Variants in POLR3H observed in about 807,000 individuals in gnomAD.
The protein encoded by POLR3H is DNA-directed RNA polymerase III subunit RPC8.
Under a neutral mutation model 25.5 loss-of-function variants are expected in POLR3H, and 17 were observed. That is an observed-to-expected ratio of 0.67 (90% CI 0.46 to 1.00). The LOEUF (loss-of-function observed/expected upper bound fraction) is 1.00. Among genes scored for constraint, POLR3H ranks in the 50% least tolerant of loss-of-function variants. The pLI is 0.00. For synonymous variants in POLR3H, 129 were observed against 103.0 expected (o/e 1.25, Z -1.53); for missense variants, 274 against 265.0 (o/e 1.03, Z -0.24).
rs1268943768 is a variant in POLR3H, at chr22:41,544,327, G to C, written c.-226C>G. 1 of 428,260 alleles carries C rather than the reference G, an allele frequency of 2.3e-6. No individual in the cohort carries two copies. The highest frequency in any genetic ancestry group is 3.5e-5 in the South Asian group (1 of 28,544). The allele number at this position is 428,260 out of a possible 1,614,324, so 26.5% of individuals were successfully genotyped here. Reference sequence around the variant, plus strand: ...AGGCACTCTCCGTCCACAGCTCCGGGTGCGCGCCCGCGCCGCGAGACCCCG... The same window carrying C: ...AGGCACTCTCCGTCCACAGCTCCGGCTGCGCGCCCGCGCCGCGAGACCCCG... On this transcript the variant is annotated 5_prime_UTR_variant, in exon 1 of 6. Coordinates refer to ENST00000355209, the MANE Select transcript of POLR3H (RefSeq NM_001018050.4).
Position 41,527,108 on chromosome 22 carries a change from T to A in POLR3H, c.*2175A>T. 1 of 864,370 alleles carries A rather than the reference T, an allele frequency of 1.2e-6. No homozygotes were observed. Among genetic ancestry groups the A allele is most frequent in the Non-Finnish European group, 1.7e-6 (1 of 573,264 alleles). 53.5% of individuals were successfully genotyped at this position (864,370 alleles called of 1,614,324 possible). On this transcript the variant is annotated 3_prime_UTR_variant, in exon 6 of 6. Coordinates refer to ENST00000355209, the MANE Select transcript of POLR3H (RefSeq NM_001018050.4). ...CTGTCCCCTCGGGGCCTCGTTTGGG[T>A]CTCATTCACGCAGGCTTCACTTGCC...
chr22:41,529,110 G>C lies in POLR3H; in HGVS notation c.*173C>G. On this transcript the variant is annotated 3_prime_UTR_variant, in exon 6 of 6. Coordinates refer to ENST00000355209, the MANE Select transcript of POLR3H (RefSeq NM_001018050.4). Reference sequence around the variant, plus strand: ...TGGATCCATCACTGCAGTGAAGGAGGAGCAGGGCCTAGATGGTGGAGGAGC... The same window carrying C: ...TGGATCCATCACTGCAGTGAAGGAGCAGCAGGGCCTAGATGGTGGAGGAGC... 1.6e-6 allele frequency: 1 copy of C among 608,786 alleles called. No individual in the cohort carries two copies. Among genetic ancestry groups the C allele is most frequent in the Non-Finnish European group, 2.9e-6 (1 of 344,458 alleles). 37.7% of individuals were successfully genotyped at this position (608,786 alleles called of 1,614,324 possible). A position where few individuals can be genotyped will look rare whatever the true frequency, so the allele number is the denominator to read the frequency against.
rs1362933470 is a variant in POLR3H, at chr22:41,544,299, G to A, written c.-198C>T. The A allele has an allele frequency of 3.2e-5, 17 of 527,266 alleles. No homozygotes were observed. In the East Asian group the frequency reaches 4.5e-4, roughly 14 times the overall value. The allele number at this position is 527,266 out of a possible 1,614,324, so 32.7% of individuals were successfully genotyped here. A position where few individuals can be genotyped will look rare whatever the true frequency, so the allele number is the denominator to read the frequency against. On this transcript the variant is annotated 5_prime_UTR_variant, in exon 1 of 6. Transcript: ENST00000355209. ...ACAACATGAGGAAACTGAGGCCAGA[G>A]GGAGGCACTCTCCGTCCACAGCTCC... is the stretch of plus-strand genomic sequence containing the variant.
At position 41,544,154 on chromosome 22, in the gene POLR3H, C is replaced by A; in HGVS notation, c.-53G>T. 8.7e-7 allele frequency: 1 copy of A among 1,150,390 alleles called. No individual in the cohort carries two copies. The highest frequency in any genetic ancestry group is 1.3e-6 in the Non-Finnish European group (1 of 777,616). The allele number at this position is 1,150,390 out of a possible 1,614,324, so 71.3% of individuals were successfully genotyped here. A position where few individuals can be genotyped will look rare whatever the true frequency, so the allele number is the denominator to read the frequency against. On this transcript the variant is annotated 5_prime_UTR_variant, in exon 1 of 6. Coordinates refer to ENST00000355209, the MANE Select transcript of POLR3H (RefSeq NM_001018050.4). ...CAGGAGGGTCAGTCACGCACCAGGG[C>A]CGGGGGCAGGGAGAATCCCCGAGCC...
At position 41,544,259 on chromosome 22, in the gene POLR3H, C is replaced by T. The variant is rs2066982613; in HGVS notation, c.-158G>A. 8 of 585,438 alleles carry T rather than the reference C, an allele frequency of 1.4e-5. No individual in the cohort carries two copies. The highest frequency in any genetic ancestry group is 1.0e-4 in the South Asian group (5 of 49,300). The allele number at this position is 585,438 out of a possible 1,614,324, so 36.3% of individuals were successfully genotyped here. A position where few individuals can be genotyped will look rare whatever the true frequency, so the allele number is the denominator to read the frequency against. On this transcript the variant is annotated 5_prime_UTR_variant, in exon 1 of 6. Coordinates refer to ENST00000355209, the MANE Select transcript of POLR3H (RefSeq NM_001018050.4). Reference sequence around the variant, plus strand: ...GGCGGTCTCGGGGGCCCGGTCCGGGCCATGCTCCGCTACTACAACATGAGG... The same window carrying T: ...GGCGGTCTCGGGGGCCCGGTCCGGGTCATGCTCCGCTACTACAACATGAGG...
chr22:41,544,300 G>T lies in POLR3H; in HGVS notation c.-199C>A. The T allele has an allele frequency of 1.9e-6, 1 of 525,384 alleles. No individual in the cohort carries two copies. The allele number at this position is 525,384 out of a possible 1,614,324, so 32.5% of individuals were successfully genotyped here. On this transcript the variant is annotated 5_prime_UTR_variant, in exon 1 of 6. Coordinates refer to ENST00000355209, the MANE Select transcript of POLR3H (RefSeq NM_001018050.4). ...CAACATGAGGAAACTGAGGCCAGAG[G>T]GAGGCACTCTCCGTCCACAGCTCCG...
Position 41,527,380 on chromosome 22 carries a change from G to C in POLR3H, c.*1903C>G. 6.2e-7 allele frequency: 1 copy of C among 1,613,716 alleles called. No individual in the cohort carries two copies. The highest frequency in any genetic ancestry group is 8.5e-7 in the Non-Finnish European group (1 of 1,179,962). ...CAGCTCTGGAGCCTCGCCACCTTGG[G>C]GGCCGGGCCATCATCACCAAGAGCT... On this transcript the variant is annotated 3_prime_UTR_variant, in exon 6 of 6. Transcript: ENST00000355209.
rs925766801 is a variant in POLR3H at position 41,536,891 on chromosome 22, T to TA, written c.208+3807dup. 1.7e-3 allele frequency among the ~76,000 whole-genome samples: 238 copies of TA among 140,038 alleles called. 1 individual carries two copies. Among genetic ancestry groups the TA allele is most frequent in the African/African-American group, 4.2e-3 (162 of 38,216 alleles). 91.9% of individuals were successfully genotyped at this position (140,038 alleles called of 152,430 possible). ...CAAAAAAAAAAAAAAAAAAAGGCTT[T>TA]AAAAAAAAAAAGGTGGGGGGTGTCT... is the stretch of plus-strand genomic sequence containing the variant. On this transcript the variant is annotated intron_variant, in intron 2 of 5. Coordinates refer to ENST00000355209, the MANE Select transcript of POLR3H (RefSeq NM_001018050.4).
At chr22:41,538,044 C>A (rs892715451) in intron 2 of POLR3H, among the ~76,000 whole-genome samples, 3 of 150,738 alleles carry the variant, frequency 2.0e-5, no homozygotes, top group Non-Finnish European at 4.4e-5. Context: ...CAGCTCACTG[C>A]AACCTCTGCC....
chr22:41,528,048 T>G lies in POLR3H; in HGVS notation c.*1235A>C. ...GTTAGGGGCCCGGGTCCCCCTGAGG[T>G]GGTGGGGTGAGGGGCAGCCACCTTG... On this transcript the variant is annotated 3_prime_UTR_variant, in exon 6 of 6. Coordinates refer to ENST00000355209, the MANE Select transcript of POLR3H (RefSeq NM_001018050.4). The G allele has an allele frequency of 6.2e-7, 1 of 1,613,638 alleles. No homozygotes were observed. The highest frequency in any genetic ancestry group is 1.3e-5 in the African/African-American group (1 of 74,962).
intron 1 of POLR3H, among the ~76,000 whole-genome samples, chr22:41,542,902 C>A (rs982146707): frequency 6.6e-6 from 1 of 152,128 alleles, no homozygotes. Context: ...ACTCAGGAGG[C>A]TGAAGCAGAA....
At chr22:41,543,816 A>T (rs1440435658) in intron 1 of POLR3H, 175 bp downstream of exon 1, 1 of 707,902 alleles carries the variant, frequency 1.4e-6, no homozygotes, top group African/African-American at 1.8e-5. Context: ...CCCTTTTTCA[A>T]GCCCATTTTC....
At chr22:41,540,834 A>C in intron 1 of POLR3H, 39 bp from the exon 2 acceptor site, 1 of 1,504,942 alleles carries the variant, frequency 6.6e-7, no homozygotes, top group Non-Finnish European at 9.2e-7. Context: ...GTACACATGG[A>C]TACAGAGTGA....
At chr22:41,543,418 G>C (rs967803409) in intron 1 of POLR3H, among the ~76,000 whole-genome samples, 1 of 152,114 alleles carries the variant, frequency 6.6e-6, no homozygotes, top group Non-Finnish European at 1.5e-5. Context: ...AAGAGATCGA[G>C]ACCATCCTGG....
chr22:41,540,123 T>G (rs2066906016), intron 2 of POLR3H: 1 of 188,782 alleles, frequency 5.3e-6, no homozygotes, highest in Admixed American at 5.3e-5. Context: ...GAGCTCAGCT[T>G]TTAATCTTGA....
In POLR3H at chr22:41,532,697, A is replaced by G. The variant is rs372157291; in HGVS notation, c.257T>C (p.Ile86Thr). The change falls in exon 3 of 6, where the codon ATT (isoleucine) becomes ACT (threonine). Residue 86 changes from isoleucine (I) to threonine (T), a missense_variant. Transcript: ENST00000355209. ...VFHPFLDEIL[I>T]GKIKGCSPEG... Reference sequence around the variant, plus strand: ...TGGGCTGCAGCCTTTGATCTTCCCAATGAGAATCTCATCTAGGAATGGATG... The same window carrying G: ...TGGGCTGCAGCCTTTGATCTTCCCAGTGAGAATCTCATCTAGGAATGGATG... The G allele has an allele frequency of 2.7e-4, 439 of 1,613,890 alleles. No individual in the cohort carries two copies. Among genetic ancestry groups the G allele is most frequent in the Non-Finnish European group, 3.5e-4 (408 of 1,179,964 alleles).
Position 41,529,227 on chromosome 22 carries a change from C to T in POLR3H, c.*56G>A, listed in dbSNP as rs1368997556. On this transcript the variant is annotated 3_prime_UTR_variant, in exon 6 of 6. Transcript: ENST00000355209. Reference sequence around the variant, plus strand: ...TCGGCCTCAGCTGCTGTTGTCTTCACAGCCGGCCATACCACCTTCCCGCAG... The same window carrying T: ...TCGGCCTCAGCTGCTGTTGTCTTCATAGCCGGCCATACCACCTTCCCGCAG... The T allele has an allele frequency of 2.0e-6, 3 of 1,499,816 alleles. No homozygotes were observed. The highest frequency in any genetic ancestry group is 3.5e-5 in the Admixed American group (2 of 57,390). 92.9% of individuals were successfully genotyped at this position (1,499,816 alleles called of 1,614,324 possible).
chr22:41,528,513 C>T lies in POLR3H; in HGVS notation c.*770G>A. 1 of 1,612,694 alleles carries T rather than the reference C, an allele frequency of 6.2e-7. No homozygotes were observed. Among genetic ancestry groups the T allele is most frequent in the Non-Finnish European group, 8.5e-7 (1 of 1,180,036 alleles). On this transcript the variant is annotated 3_prime_UTR_variant, in exon 6 of 6. Transcript: ENST00000355209. ...TGCATCATCAAGCACCCCAACGGGA[C>T]CCAGGAGACCATCCTCCTGAACCAC...
In POLR3H at chr22:41,540,470, G is replaced by A. The variant is rs540007355; in HGVS notation, c.208+229C>T. ...GCCTCCAGGACTCCCACCACCCTCT[G>A]GCCATCTCTTTGACTTTAGCCTTTT... On this transcript the variant is annotated intron_variant, in intron 2 of 5. Transcript: ENST00000355209. 16 of 550,916 alleles carry A rather than the reference G, an allele frequency of 2.9e-5. No homozygotes were observed. The East Asian group carries it at 5.7e-4, about 20-fold the overall frequency. 34.1% of individuals were successfully genotyped at this position (550,916 alleles called of 1,614,324 possible).
Sources: gnomAD v4.1 joint callset for allele counts (sites outside exome capture counted in the v4.1 genomes callset) on GRCh38, gnomAD v4.1.1 for gene constraint, MANE v1.5 for transcripts, NCBI Gene and HGNC (gene_info 2026-07-23, HGNC 2026-07-21) for gene names.